PIN4: variants seen among roughly 807,000 people sequenced by gnomAD.
PIN4 encodes the protein peptidyl-prolyl cis-trans isomerase NIMA-interacting 4.
In PIN4, 3 loss-of-function variants were observed where a neutral mutation model predicts 8.3. The observed-to-expected ratio is 0.36, with a 90% confidence interval of 0.16 to 0.93. The LOEUF is 0.93. Among genes scored for constraint, PIN4 ranks in the 40% least tolerant of loss-of-function variants. The pLI is 0.44. For missense variants in PIN4, 75 were observed against 100.6 expected, an observed-to-expected ratio of 0.75 and a Z score of 1.09; for synonymous variants, 18 against 32.5, an observed-to-expected ratio of 0.55 and a Z score of 1.52.
intron 3 of PIN4, chrX:72,207,755 A>G: frequency 8.3e-7 from 1 of 1,211,328 alleles, no homozygotes; most frequent in East Asian, 3.0e-5. Context: ...GGGTTGCTTG[A>G]CTTTTTCTTC....
At chrX:72,184,418 C>T (rs1455988447) in intron 1 of PIN4, among the ~76,000 whole-genome samples, 2 of 111,486 alleles carry the variant, frequency 1.8e-5, no homozygotes, top group Non-Finnish European at 3.8e-5. Flanking sequence ...CGTGTGCCCC[C>T]GGGGCAGGTA....
rs984385882 is a variant in PIN4, at chrX:72,252,609, C to T, written c.313-10098C>T. 9.9e-5 allele frequency among the ~76,000 whole-genome samples: 11 copies of T among 111,395 alleles called. No individual in the cohort carries two copies. In the South Asian group the frequency reaches 3.0e-3, roughly 30 times the overall value. ...TTCACCATGTTGGCCAGGCTGGTCT[C>T]GAACTCCTGGCCTCAAGTGATCTGC... On this transcript the variant is annotated intron_variant, in intron 3 of 3. Coordinates refer to the PIN4 transcript ENST00000423432.
chrX:72,237,808 T>A (rs1465175572), intron 3 of PIN4: 4 of 110,370 alleles, frequency 3.6e-5, no homozygotes, highest in African/African-American at 1.3e-4. Flanking sequence ...AATAATAAAT[T>A]GGCTGGACAT....
At chrX:72,207,253 C>T (rs1339227994) in intron 3 of PIN4, 6 of 1,209,962 alleles carry the variant, frequency 5.0e-6, no homozygotes, top group Non-Finnish European at 5.6e-6. Context: ...CCCATCGATT[C>T]GCAATGTCTT....
intron 3 of PIN4, among the ~76,000 whole-genome samples, chrX:72,216,067 T>C (rs1405582906): frequency 1.8e-5 from 2 of 110,416 alleles, no homozygotes; most frequent in African/African-American, 6.6e-5. Flanking sequence ...CCTCCAAAAT[T>C]TCATGTCAAC....
chrX:72,237,034 T>C (rs1214994581), intron 3 of PIN4, among the ~76,000 whole-genome samples: 1 of 112,367 alleles, frequency 8.9e-6, no homozygotes, highest in African/African-American at 3.2e-5. Flanking sequence ...ACTCACACTA[T>C]TGACTTTATT....
intron 3 of PIN4, chrX:72,238,999 T>C: frequency 2.2e-6 from 2 of 929,807 alleles, no homozygotes; most frequent in East Asian, 6.8e-5. Context: ...GTTTGGAGCT[T>C]GAATTTCGCT....
intron 3 of PIN4, chrX:72,238,799 T>G (rs1289020377): frequency 2.6e-6 from 3 of 1,136,495 alleles, no homozygotes; most frequent in Non-Finnish European, 1.2e-6. Flanking sequence ...ACCTCCACCC[T>G]GGGCCAGGTC....
At chrX:72,251,362 C>CAAAAAA (rs35914181) in intron 3 of PIN4, among the ~76,000 whole-genome samples, 2 of 65,620 alleles carry the variant, frequency 3.0e-5, no homozygotes, top group African/African-American at 1.9e-4. Flanking sequence ...GACTCTGTCT[C>CAAAAAA]AAAAAAAAAA....
At chrX:72,244,900 A>T (rs1301490576) in intron 3 of PIN4, among the ~76,000 whole-genome samples, 2 of 106,510 alleles carry the variant, frequency 1.9e-5, no homozygotes, top group African/African-American at 6.9e-5. Context: ...GGGCAACATG[A>T]TTCATCAGAC....
chrX:72,191,876 G>A (rs761179786), intron 2 of PIN4, among the ~76,000 whole-genome samples: 1 of 110,244 alleles, frequency 9.1e-6, no homozygotes, highest in Non-Finnish European at 1.9e-5. Context: ...GTCTTCAACC[G>A]GTTTTTTTTT....
intron 3 of PIN4, among the ~76,000 whole-genome samples, chrX:72,211,059 C>T (rs149091418): frequency 0.011 from 1,181 of 111,743 alleles, 12 homozygotes; most frequent in African/African-American, 0.037. Context: ...ATGCTTTTTA[C>T]AATGCAGTTT....
At chrX:72,205,776 T>G in intron 3 of PIN4, 1 of 1,211,869 alleles carries the variant, frequency 8.3e-7, no homozygotes, top group Non-Finnish European at 1.1e-6. Flanking sequence ...AACTGAGACA[T>G]GTTTTGCTAT....
At chrX:72,206,117 G>A in intron 3 of PIN4, 2 of 1,211,629 alleles carry the variant, frequency 1.7e-6, no homozygotes, top group Non-Finnish European at 2.2e-6. Context: ...TCATCCTTTA[G>A]TTGATCTAAA....
exon 4 of PIN4, chrX:72,263,649 C>G (rs2043148429): frequency 8.9e-6 from 1 of 112,092 alleles, no homozygotes; most frequent in Non-Finnish European, 1.9e-5. Flanking sequence ...GAACGTGACA[C>G]ACGTCAAGCT....
chrX:72,242,808 G>A (rs750489621), intron 3 of PIN4, among the ~76,000 whole-genome samples: 2 of 111,973 alleles, frequency 1.8e-5, no homozygotes, highest in South Asian at 3.7e-4. Context: ...AAGGTCAGGA[G>A]TTCGAGACCA....
chrX:72,241,947 G>T (rs1049491522), intron 3 of PIN4, among the ~76,000 whole-genome samples: 10 of 112,163 alleles, frequency 8.9e-5, no homozygotes, highest in Non-Finnish European at 1.7e-4. Context: ...CAGAATAGGG[G>T]AGAAGATGTA....
intron 3 of PIN4, chrX:72,205,089 C>T (rs961551484): frequency 7.4e-6 from 9 of 1,209,397 alleles, no homozygotes; most frequent in South Asian, 5.3e-5. Context: ...TTATGTCAAG[C>T]GCTTTAACTA....
intron 1 of PIN4, among the ~76,000 whole-genome samples, chrX:72,183,187 T>C (rs1369015975): frequency 9.0e-6 from 1 of 111,547 alleles, no homozygotes; most frequent in Non-Finnish European, 1.9e-5. Flanking sequence ...ACATCAAGGA[T>C]ACATGAGGAG....
Sources: gnomAD v4.1 joint callset for allele counts (sites outside exome capture counted in the v4.1 genomes callset) on GRCh38, gnomAD v4.1.1 for gene constraint, MANE v1.5 for transcripts, NCBI Gene and HGNC (gene_info 2026-07-23, HGNC 2026-07-21) for gene names.